GCN1: variants seen among roughly 807,000 people sequenced by gnomAD.
The protein encoded by GCN1 is stalled ribosome sensor GCN1.
In GCN1, 90 loss-of-function variants were observed where a neutral mutation model predicts 288.4. The ratio of observed to expected loss-of-function variants is 0.31; its 90% CI spans 0.26 to 0.37. The LOEUF (loss-of-function observed/expected upper bound fraction) is 0.37, where lower values mean the gene tolerates loss of function less well. GCN1 is among the 10% of genes least tolerant of loss of function. GCN1 has a pLI of 1.00. For synonymous variants in GCN1, 1,386 were observed against 1,420.2 expected (o/e 0.98, Z 0.54); for missense variants, 2,586 against 3,419.9 (o/e 0.76, Z 6.08).
Position 120,177,699 on chromosome 12 carries a change from A to T in GCN1, c.714T>A (p.Pro238=). 2 of 1,613,276 alleles carry T rather than the reference A, an allele frequency of 1.2e-6. No homozygotes were observed. Among genetic ancestry groups the T allele is most frequent in the Non-Finnish European group, 1.7e-6 (2 of 1,179,206 alleles). ...TCTCGCTCACCAACAGGTACTTCGG[A>T]GGCTTGACTTTGCTCATCAGGATGT... ...MKNILMSKVK[P]PKYLLDSCAP... Residue 238 remains proline, a synonymous_variant, in exon 8 of 58, where the codon CCT becomes CCA. Coordinates refer to ENST00000300648, the MANE Select transcript of GCN1 (RefSeq NM_006836.2).
At chr12:120,152,092 C>T (rs1473132596) in intron 33 of GCN1, among the ~76,000 whole-genome samples, 1 of 152,074 alleles carries the variant, frequency 6.6e-6, no homozygotes, top group East Asian at 1.9e-4. Flanking sequence ...TGCAGTGGCA[C>T]AATCATAATT....
At position 120,144,404 on chromosome 12, in the gene GCN1, G is replaced by A. The variant is rs943561317; in HGVS notation, c.5397C>T (p.Arg1799=). Residue 1799 remains arginine (R), a synonymous_variant, in exon 42 of 58, where the codon CGC becomes CGT. Transcript: ENST00000300648. The surrounding 1 kb of genome is among the most constrained non-coding windows in gnomAD (Gnocchi z 4.7). ...ENEFVRDTAL[R]AGQRVISMYA... ...ACATGGAGATAACCCGCTGGCCCGC[G>A]CGCAGGGCGGTGTCACGCACAAACT... The A allele has an allele frequency of 2.0e-5, 32 of 1,614,038 alleles. No individual in the cohort carries two copies. Among genetic ancestry groups the A allele is most frequent in the African/African-American group, 4.0e-5 (3 of 74,956 alleles).
chr12:120,176,859 CG>C (rs1333312539), intron 9 of GCN1, among the ~76,000 whole-genome samples: 4 of 152,090 alleles, frequency 2.6e-5, no homozygotes, highest in Non-Finnish European at 5.9e-5. Flanking sequence ...CTCCACCTCC[CG>C]GTTTCAAGTG....
chr12:120,184,768 TA>T, intron 3 of GCN1, 55 bp downstream of exon 3: 1 of 1,293,620 alleles, frequency 7.7e-7, no homozygotes, highest in South Asian at 1.2e-5. Context: ...ACCACTACTC[TA>T]AATCCCCTCT....
At chr12:120,194,324 T>G (rs1879099449) in intron 1 of GCN1, among the ~76,000 whole-genome samples, 1 of 152,248 alleles carries the variant, frequency 6.6e-6, no homozygotes, top group Non-Finnish European at 1.5e-5. Flanking sequence ...ATACAAAGTT[T>G]AAGGAAGACT....
chr12:120,142,793 T>A lies in GCN1; in HGVS notation c.5613+31A>T, dbSNP rs755022167. 3 of 1,589,842 alleles carry A rather than the reference T, an allele frequency of 1.9e-6. No individual in the cohort carries two copies. Among genetic ancestry groups the A allele is most frequent in the African/African-American group, 2.7e-5 (2 of 74,486 alleles). On this transcript the variant is annotated intron_variant, in intron 43 of 57. Transcript: ENST00000300648. The surrounding 1 kb of genome is among the most constrained non-coding windows in gnomAD (Gnocchi z 4.9). ...ATGGGCATCAGGGCACACCCTACCATCAGCAGGGGCAGGAAAGCCACTGCA... is the reference window on the plus strand; with the variant it reads ...ATGGGCATCAGGGCACACCCTACCAACAGCAGGGGCAGGAAAGCCACTGCA...
chr12:120,163,888 C>T (rs2240324), intron 18 of GCN1, among the ~76,000 whole-genome samples: 62,330 of 152,030 alleles, frequency 0.41, 14,691 homozygotes, highest in South Asian at 0.66. Flanking sequence ...TTTGGGAAGC[C>T]GAGGTAGGAG....
Position 120,134,436 on chromosome 12 carries a change from G to A in GCN1, c.7203-31C>T, listed in dbSNP as rs753700486. 1 of 1,591,068 alleles carries A rather than the reference G, an allele frequency of 6.3e-7. No homozygotes were observed. Among genetic ancestry groups the A allele is most frequent in the South Asian group, 1.1e-5 (1 of 90,670 alleles). ...GAAGCAATGCACCGCCTTAAGCCCT[G>A]GGTGCCTCCACCACCACCCCTCCTG... On this transcript the variant is annotated intron_variant, in intron 52 of 57. Coordinates refer to ENST00000300648, the MANE Select transcript of GCN1 (RefSeq NM_006836.2). This position sits in a 1 kb window ranked among gnomAD's most constrained non-coding sequence, Gnocchi z 5.0.
intron 16 of GCN1, among the ~76,000 whole-genome samples, chr12:120,166,661 G>A (rs1239099363): frequency 7.1e-6 from 1 of 141,626 alleles, no homozygotes; most frequent in Non-Finnish European, 1.5e-5. Flanking sequence ...CTGAGATCGC[G>A]CCACTGCACT....
chr12:120,137,186 T>G lies in GCN1; in HGVS notation c.6777+20A>C. On this transcript the variant is annotated intron_variant, in intron 50 of 57. Transcript: ENST00000300648. The surrounding 1 kb of genome is among the most constrained non-coding windows in gnomAD (Gnocchi z 5.2). ...AACAGACTGCACGCCCACAGCCCCCTGCACGAGGCCCTGGCTTACCTTCTT... is the reference window on the plus strand; with the variant it reads ...AACAGACTGCACGCCCACAGCCCCCGGCACGAGGCCCTGGCTTACCTTCTT... 6.4e-7 allele frequency: 1 copy of G among 1,573,304 alleles called. No homozygotes were observed. The highest frequency in any genetic ancestry group is 8.7e-7 in the Non-Finnish European group (1 of 1,143,248).
chr12:120,173,122 C>T (rs1306716023), intron 14 of GCN1, among the ~76,000 whole-genome samples: 2 of 149,672 alleles, frequency 1.3e-5, no homozygotes, highest in Non-Finnish European at 3.0e-5. Flanking sequence ...TACAATGGCG[C>T]AATCTCGGCT....
At chr12:120,182,234 TG>T (rs991768356) in intron 5 of GCN1, among the ~76,000 whole-genome samples, 1 of 151,962 alleles carries the variant, frequency 6.6e-6, no homozygotes, top group African/African-American at 2.4e-5. Context: ...AGGAGGCTTT[TG>T]GTAACAATGA....
chr12:120,182,266 TC>T (rs1252502365), intron 5 of GCN1, among the ~76,000 whole-genome samples: 1 of 151,812 alleles, frequency 6.6e-6, no homozygotes, highest in East Asian at 1.9e-4. Context: ...CTGAAGCAAA[TC>T]CAAGAGAGTC....
At position 120,177,732 on chromosome 12, in the gene GCN1, G is replaced by A. The variant is rs187134354; in HGVS notation, c.681C>T (p.Tyr227=). The change falls in exon 8 of 58, where the codon TAC becomes TAT. Residue 227 remains tyrosine (Y), a synonymous_variant. Transcript: ENST00000300648. ...CTTTGCTCATCAGGATGTTCTTCAT[G>A]TAAAAGTCCAGTAGGGCGCTCTAGA... The part of the protein sequence containing the change: ...SQHKSALLDF[Y]MKNILMSKVK... The A allele has an allele frequency of 2.6e-4, 422 of 1,613,160 alleles. 1 individual carries two copies. The African/African-American group carries it at 4.9e-3, about 19-fold the overall frequency.
chr12:120,185,937 A>G (rs1228566424), intron 2 of GCN1, among the ~76,000 whole-genome samples: 1 of 152,190 alleles, frequency 6.6e-6, no homozygotes, highest in African/African-American at 2.4e-5. Context: ...GTAATGGGAA[A>G]CCAAGCCAGC....
At position 120,182,567 on chromosome 12, in the gene GCN1, T is replaced by C. The variant is rs184062373; in HGVS notation, c.426+1002A>G. Among the ~76,000 whole-genome samples the C allele has an allele frequency of 2.6e-5, 4 of 151,962 alleles. No homozygotes were observed. In the East Asian group the frequency reaches 7.7e-4, roughly 29 times the overall value. On this transcript the variant is annotated intron_variant, in intron 5 of 57. Transcript: ENST00000300648. ...AACTCTTTGAGGTGGACAGGGTGAG[T>C]AGTATTTTCTTTCCCACTTTGCAAA...
chr12:120,146,160 G>A (rs1283817110), intron 38 of GCN1, among the ~76,000 whole-genome samples: 1 of 151,306 alleles, frequency 6.6e-6, no homozygotes, highest in Non-Finnish European at 1.5e-5. Flanking sequence ...CCAGCTACTC[G>A]GGAGGCTGAG....
Position 120,153,816 on chromosome 12 carries a change from G to A in GCN1, c.3795C>T (p.Leu1265=), listed in dbSNP as rs1877650692. 2 of 1,613,958 alleles carry A rather than the reference G, an allele frequency of 1.2e-6. No individual in the cohort carries two copies. Among genetic ancestry groups the A allele is most frequent in the Admixed American group, 3.3e-5 (2 of 60,002 alleles). Residue 1265 remains leucine (L), a synonymous_variant, in exon 32 of 58, where the codon CTC becomes CTT. Transcript: ENST00000300648. This position sits in a 1 kb window ranked among gnomAD's most constrained non-coding sequence, Gnocchi z 4.4. Reference sequence around the variant, plus strand: ...TCCGGACATCTGGGTGTCGGTCATTGAGGGCATCAGGGACAAAAAACTGAA... The same window carrying A: ...TCCGGACATCTGGGTGTCGGTCATTAAGGGCATCAGGGACAAAAAACTGAA... The part of the protein sequence containing the change: ...PLFQFFVPDA[L]NDRHPDVRKC...
intron 12 of GCN1, among the ~76,000 whole-genome samples, chr12:120,174,892 G>A (rs150146458): frequency 6.6e-6 from 1 of 151,760 alleles, no homozygotes; most frequent in African/African-American, 2.4e-5. Context: ...TTGGGAGGCT[G>A]AGGCGGGCAG....
Sources: allele counts gnomAD v4.1 joint callset (sites outside exome capture counted in the v4.1 genomes callset), GRCh38; gene constraint gnomAD v4.1.1; non-coding constraint Gnocchi (gnomAD v3.1); transcripts MANE v1.5; gene names NCBI Gene and HGNC (gene_info 2026-07-23, HGNC 2026-07-21).